Variants in RBFOX1 observed in about 807,000 individuals in gnomAD.
RBFOX1 encodes the protein RNA binding fox-1 homolog 1.
In RBFOX1, 8 loss-of-function variants were observed where a neutral mutation model predicts 57.7. The ratio of observed to expected loss-of-function variants is 0.14; its 90% CI spans 0.08 to 0.25. RBFOX1 has a LOEUF of 0.25. Among genes scored for constraint, RBFOX1 ranks in the 10% least tolerant of loss-of-function variants. RBFOX1 has a pLI of 1.00. For synonymous variants in RBFOX1, 326 were observed against 222.4 expected, an observed-to-expected ratio of 1.47 and a Z score of -4.15; for missense variants, 611 against 548.5, an observed-to-expected ratio of 1.11 and a Z score of -1.14.
rs747266584 is a variant in RBFOX1 at position 5,406,562 on chromosome 16, TTCTC to T, written c.220-60648_220-60645del. 3.1e-3 allele frequency among the ~76,000 whole-genome samples: 479 copies of T among 152,158 alleles called. 4 individuals carry two copies. The highest frequency in any genetic ancestry group is 4.0e-3 in the Non-Finnish European group (270 of 68,016). On this transcript the variant is annotated intron_variant, in intron 1 of 2. Transcript: ENST00000585867. ...AATAAATCTCTCCCTCTCTCTGTGT[TTCTC>T]TCTCTTTATTTCTCTCTCTCTCTCT...
intron 4 of RBFOX1, among the ~76,000 whole-genome samples, chr16:7,222,643 T>C (rs2092814298): frequency 6.6e-6 from 1 of 152,202 alleles, no homozygotes; most frequent in African/African-American, 2.4e-5. Flanking sequence ...TTTACAAGTT[T>C]GTTAGCCCCC....
chr16:7,306,830 A>T (rs2096200464), intron 4 of RBFOX1, among the ~76,000 whole-genome samples: 1 of 152,182 alleles, frequency 6.6e-6, no homozygotes, highest in African/African-American at 2.4e-5. Flanking sequence ...GCTGATTAAG[A>T]GTGTGAAATA....
At chr16:7,578,581 T>G (rs187719674) in intron 5 of RBFOX1, among the ~76,000 whole-genome samples, 1 of 152,240 alleles carries the variant, frequency 6.6e-6, no homozygotes, top group African/African-American at 2.4e-5. Context: ...TCTCGGTCGT[T>G]ATTATTTTAC....
intron 2 of RBFOX1, among the ~76,000 whole-genome samples, chr16:6,339,691 G>C (rs1223623840): frequency 6.7e-6 from 1 of 148,382 alleles, no homozygotes; most frequent in African/African-American, 2.5e-5. Context: ...TTTATTTTTT[G>C]AGAGAGTCTC....
At chr16:5,291,620 G>T (rs562408260) in intron 1 of RBFOX1, among the ~76,000 whole-genome samples, 2 of 152,208 alleles carry the variant, frequency 1.3e-5, no homozygotes, top group African/African-American at 2.4e-5. Flanking sequence ...TGAGTGATCT[G>T]TTTGGATGCA....
chr16:6,828,606 G>A (rs2092427123), intron 3 of RBFOX1, among the ~76,000 whole-genome samples: 1 of 151,950 alleles, frequency 6.6e-6, no homozygotes, highest in Admixed American at 6.6e-5. Context: ...CATGGACCAA[G>A]CTGGCTAAGA....
At chr16:7,545,609 A>C (rs1018401018) in intron 5 of RBFOX1, among the ~76,000 whole-genome samples, 1 of 152,082 alleles carries the variant, frequency 6.6e-6, no homozygotes, top group Non-Finnish European at 1.5e-5. Flanking sequence ...CTCAGTCTCC[A>C]CTTCTTTCCA....
intron 3 of RBFOX1, among the ~76,000 whole-genome samples, chr16:5,711,735 T>C (rs1242180849): frequency 6.6e-6 from 1 of 152,176 alleles, no homozygotes; most frequent in Non-Finnish European, 1.5e-5. Flanking sequence ...TAAAAGGTGG[T>C]AAGCAATCAG....
At chr16:5,277,315 AG>A (rs2063165023) in intron 1 of RBFOX1, among the ~76,000 whole-genome samples, 1 of 151,866 alleles carries the variant, frequency 6.6e-6, no homozygotes, top group African/African-American at 2.4e-5. Context: ...TGGAAGTGGG[AG>A]GGGGTGAGAG....
At chr16:7,160,992 C>A (rs1205150433) in intron 4 of RBFOX1, among the ~76,000 whole-genome samples, 2 of 152,152 alleles carry the variant, frequency 1.3e-5, no homozygotes, top group African/African-American at 2.4e-5. Flanking sequence ...AGAAGCTAAC[C>A]CTTTATTTTC....
chr16:7,149,350 T>C lies in RBFOX1; in HGVS notation c.27+97252T>C, dbSNP rs374936171. Among the ~76,000 whole-genome samples the C allele has an allele frequency of 2.1e-3, 323 of 152,234 alleles. 2 individuals are homozygous for C. The highest frequency in any genetic ancestry group is 4.0e-3 in the Non-Finnish European group (272 of 67,998). On this transcript the variant is annotated intron_variant, in intron 4 of 15. Coordinates refer to ENST00000550418, the MANE Select transcript of RBFOX1 (RefSeq NM_018723.4). ...GAGTCAAGTCTCTTGGTTTTATCTC[T>C]CAATAATCATAAAAGTACATCCATT...
At chr16:6,939,676 T>C (rs895741254) in intron 3 of RBFOX1, among the ~76,000 whole-genome samples, 1 of 151,936 alleles carries the variant, frequency 6.6e-6, no homozygotes, top group African/African-American at 2.4e-5. Flanking sequence ...CATACCCAGC[T>C]AATTTTTGTA....
At chr16:6,359,834 A>T (rs1331244947) in intron 2 of RBFOX1, among the ~76,000 whole-genome samples, 3 of 152,210 alleles carry the variant, frequency 2.0e-5, no homozygotes, top group Non-Finnish European at 2.9e-5. Context: ...ATATTAAAAA[A>T]AATGCCCTCA....
At chr16:6,679,378 T>A (rs1300529125) in intron 3 of RBFOX1, among the ~76,000 whole-genome samples, 1 of 152,142 alleles carries the variant, frequency 6.6e-6, no homozygotes, top group Non-Finnish European at 1.5e-5. Context: ...CTTGTCTTGC[T>A]ATATTGGTGA....
At chr16:5,634,740 C>T (rs1027093823) in intron 3 of RBFOX1, among the ~76,000 whole-genome samples, 3 of 152,194 alleles carry the variant, frequency 2.0e-5, no homozygotes, top group Non-Finnish European at 2.9e-5. Context: ...GTATTCTCTC[C>T]ATTTCTCTTT....
intron 2 of RBFOX1, among the ~76,000 whole-genome samples, chr16:6,511,393 G>A (rs192200572): frequency 2.0e-5 from 3 of 152,290 alleles, no homozygotes; most frequent in Admixed American, 2.0e-4. Flanking sequence ...GGTAGATTGA[G>A]AATATCATAC....
intron 3 of RBFOX1, among the ~76,000 whole-genome samples, chr16:6,785,351 T>G (rs1007563019): frequency 2.0e-5 from 3 of 152,200 alleles, no homozygotes; most frequent in Non-Finnish European, 4.4e-5. Flanking sequence ...AATTTCCCAG[T>G]TGCCCTGTGT....
intron 1 of RBFOX1, among the ~76,000 whole-genome samples, chr16:6,138,159 A>G (rs1487711602): frequency 6.6e-6 from 1 of 152,210 alleles, no homozygotes; most frequent in Non-Finnish European, 1.5e-5. Flanking sequence ...ATATTAAATT[A>G]ACAGAATATG....
chr16:7,297,822 C>T (rs1231409106), intron 4 of RBFOX1, among the ~76,000 whole-genome samples: 1 of 151,716 alleles, frequency 6.6e-6, no homozygotes, highest in Admixed American at 6.6e-5. Context: ...ATTGAAATCC[C>T]CCCCAATAGC....
Sources: allele counts gnomAD v4.1 joint callset (sites outside exome capture counted in the v4.1 genomes callset), GRCh38; gene constraint gnomAD v4.1.1; transcripts MANE v1.5; gene names NCBI Gene and HGNC (gene_info 2026-07-23, HGNC 2026-07-21).